The following AGPS variants were observed in gnomAD, a reference collection of about 807,000 sequenced individuals.
AGPS encodes alkylglycerone phosphate synthase.
In AGPS, 26 loss-of-function variants were observed where a neutral mutation model predicts 90.7. The ratio of observed to expected loss-of-function variants is 0.29; its 90% confidence interval spans 0.21 to 0.40. The LOEUF (loss-of-function observed/expected upper bound fraction) is 0.40. Ranked by LOEUF, AGPS falls within the 10% of genes least tolerant of loss-of-function variation. AGPS has a pLI of 1.00. For missense variants in AGPS, 540 were observed against 816.1 expected, an observed-to-expected ratio of 0.66 and a Z score of 4.12; for synonymous variants, 294 against 285.3, an observed-to-expected ratio of 1.03 and a Z score of -0.31.
At chr2:177,484,032 C>A (rs1688024049) in intron 11 of AGPS, among the ~76,000 whole-genome samples, 1 of 148,804 alleles carries the variant, frequency 6.7e-6, no homozygotes, top group African/African-American at 2.5e-5. Flanking sequence ...TTTTAAATGA[C>A]CAGAAGTTCA....
In AGPS at chr2:177,445,561, G is replaced by A; in HGVS notation, c.805G>A (p.Val269Ile). 1 of 1,613,836 alleles carries A rather than the reference G, an allele frequency of 6.2e-7. No individual in the cohort carries two copies. Among genetic ancestry groups the A allele is most frequent in the Non-Finnish European group, 8.5e-7 (1 of 1,179,752 alleles). The stretch of plus-strand genomic sequence containing the variant: ...TTTGCAACAGAATCGAATTCTCTGG[G>A]TTGATGAGAACAATTTGACAGCTCA... ...DTSQMNRILW[V>I]DENNLTAHVE... is the part of the protein sequence containing the mutation. Residue 269 changes from valine to isoleucine, a missense_variant, in exon 8 of 20, where the codon GTT becomes ATT. Physicochemically the swap from Val to Ile is conservative, Grantham distance 29 (BLOSUM62 3). Coordinates refer to ENST00000264167, the MANE Select transcript of AGPS (RefSeq NM_003659.4).
chr2:177,512,818 C>A (rs915071708), intron 16 of AGPS, among the ~76,000 whole-genome samples: 5 of 152,164 alleles, frequency 3.3e-5, no homozygotes, highest in Admixed American at 2.6e-4. Flanking sequence ...TGTGAGTAAG[C>A]TATCGAACAT....
At position 177,538,723 on chromosome 2, in the gene AGPS, C is replaced by T. The variant is rs566656122; in HGVS notation, c.*528C>T. 1 of 158,954 alleles carries T rather than the reference C, an allele frequency of 6.3e-6. No individual in the cohort carries two copies. Among genetic ancestry groups the T allele is most frequent in the South Asian group, 1.8e-4 (1 of 5,544 alleles). The allele number at this position is 158,954 out of a possible 1,614,324, so 9.8% of individuals were successfully genotyped here. On this transcript the variant is annotated 3_prime_UTR_variant, in exon 20 of 20. Transcript: ENST00000264167. Reference sequence around the variant, plus strand: ...CAACCTGTTATTTAGAAAGCCTTCACGTCTGTAAGGTGCTTGGCCTACTTT... The same window carrying T: ...CAACCTGTTATTTAGAAAGCCTTCATGTCTGTAAGGTGCTTGGCCTACTTT...
At chr2:177,439,147 T>G (rs1186597401) in intron 5 of AGPS, among the ~76,000 whole-genome samples, 1 of 152,218 alleles carries the variant, frequency 6.6e-6, no homozygotes, top group Non-Finnish European at 1.5e-5. Context: ...TTATTTTCAG[T>G]GGCTTAAACA....
At chr2:177,533,347 ATCT>A (rs1286487678) in intron 19 of AGPS, among the ~76,000 whole-genome samples, 1 of 152,130 alleles carries the variant, frequency 6.6e-6, no homozygotes, top group Non-Finnish European at 1.5e-5. Flanking sequence ...TGACAGAAAA[ATCT>A]GTAGCAAGAA....
intron 11 of AGPS, among the ~76,000 whole-genome samples, chr2:177,491,429 C>CTTTTTTTTTTTTTT (rs1051275473): frequency 8.5e-6 from 1 of 118,248 alleles, no homozygotes; most frequent in Non-Finnish European, 1.8e-5. Flanking sequence ...TGACTAATTT[C>CTTTTTTTTTTTTTT]TTTTTTTTTT....
intron 10 of AGPS, among the ~76,000 whole-genome samples, chr2:177,470,934 C>T (rs982885839): frequency 4.0e-5 from 6 of 151,848 alleles, no homozygotes; most frequent in Non-Finnish European, 8.8e-5. Context: ...GTGTCCTCAG[C>T]CATAAAATGG....
At chr2:177,491,061 G>T (rs1332856853) in intron 11 of AGPS, among the ~76,000 whole-genome samples, 1 of 151,536 alleles carries the variant, frequency 6.6e-6, no homozygotes, top group African/African-American at 2.4e-5. Context: ...CACCATGTTG[G>T]TCAGGCTGGT....
intron 14 of AGPS, among the ~76,000 whole-genome samples, chr2:177,502,935 GT>G (rs1407978200): frequency 1.1e-4 from 16 of 152,114 alleles, no homozygotes; most frequent in African/African-American, 3.9e-4. Flanking sequence ...GCACCACCAA[GT>G]TTCTTTCTGC....
intron 1 of AGPS, among the ~76,000 whole-genome samples, chr2:177,397,044 A>G (rs935295274): frequency 6.7e-6 from 1 of 149,898 alleles, no homozygotes; most frequent in African/African-American, 2.5e-5. Context: ...GGTTCAAGCG[A>G]TTCTCCTGCC....
Position 177,539,155 on chromosome 2 carries a change from AGT to A in AGPS, c.*961_*962del, listed in dbSNP as rs2079209639. The stretch of plus-strand genomic sequence containing the variant: ...AACTACTGAATTTGAAAGCCTCAGC[AGT>A]TTCAATGACAAAAATCATTTTTGAT... On this transcript the variant is annotated 3_prime_UTR_variant, in exon 20 of 20. Coordinates refer to ENST00000264167, the MANE Select transcript of AGPS (RefSeq NM_003659.4). The A allele has an allele frequency of 6.6e-6, 1 of 152,116 alleles. No individual in the cohort carries two copies. The highest frequency in any genetic ancestry group is 2.4e-5 in the African/African-American group (1 of 41,450). The allele number at this position is 152,116 out of a possible 1,614,324, so 9.4% of individuals were successfully genotyped here. A position where few individuals can be genotyped will look rare whatever the true frequency, so the allele number is the denominator to read the frequency against.
intron 9 of AGPS, among the ~76,000 whole-genome samples, chr2:177,463,298 G>T (rs1003486914): frequency 1.3e-5 from 2 of 152,178 alleles, no homozygotes; most frequent in Admixed American, 6.5e-5. Flanking sequence ...CTGTAAAATA[G>T]AATAATGATA....
At chr2:177,499,197 CTTTA>C (rs1182970690) in intron 13 of AGPS, among the ~76,000 whole-genome samples, 2 of 151,706 alleles carry the variant, frequency 1.3e-5, no homozygotes, top group Non-Finnish European at 3.0e-5. Flanking sequence ...CCTTTGAAAA[CTTTA>C]TTTAATAAGA....
intron 19 of AGPS, among the ~76,000 whole-genome samples, chr2:177,532,082 C>G (rs867926248): frequency 6.6e-6 from 1 of 151,676 alleles, no homozygotes. Context: ...ATTCTTAGAC[C>G]GGACACTAAA....
intron 11 of AGPS, among the ~76,000 whole-genome samples, chr2:177,485,992 ACC>A (rs2105697887): frequency 6.6e-6 from 1 of 152,332 alleles, no homozygotes; most frequent in African/African-American, 2.4e-5. Flanking sequence ...AGACAGTGCT[ACC>A]ATGTGGTTAA....
At chr2:177,493,802 A>G (rs2105706056) in intron 12 of AGPS, among the ~76,000 whole-genome samples, 1 of 152,322 alleles carries the variant, frequency 6.6e-6, no homozygotes, top group African/African-American at 2.4e-5. Context: ...AGGATAGATT[A>G]GAAGGGTACA....
At chr2:177,468,372 A>T in intron 9 of AGPS, 44 bp from the exon 10 acceptor site, 1 of 1,179,382 alleles carries the variant, frequency 8.5e-7, no homozygotes, top group Non-Finnish European at 1.3e-6. Flanking sequence ...ACACACATTC[A>T]CTAACAGATG....
intron 17 of AGPS, among the ~76,000 whole-genome samples, chr2:177,516,648 C>T (rs1689029902): frequency 6.6e-6 from 1 of 152,104 alleles, no homozygotes; most frequent in Non-Finnish European, 1.5e-5. Flanking sequence ...TGTTCATCTA[C>T]TGAAAACTGA....
At chr2:177,452,722 T>G (rs1279950816) in intron 8 of AGPS, among the ~76,000 whole-genome samples, 2 of 152,198 alleles carry the variant, frequency 1.3e-5, no homozygotes, top group Non-Finnish European at 2.9e-5. Flanking sequence ...ATTCATTTTC[T>G]GTATTTCCCA....
Sources: allele counts gnomAD v4.1 joint callset (sites outside exome capture counted in the v4.1 genomes callset), GRCh38; gene constraint gnomAD v4.1.1; transcripts MANE v1.5; gene names NCBI Gene and HGNC (gene_info 2026-07-23, HGNC 2026-07-21).